The following SIPA1L3 variants were observed in gnomAD, a reference collection of about 807,000 sequenced individuals.
The protein encoded by SIPA1L3 is signal-induced proliferation-associated 1-like protein 3.
In SIPA1L3, 59 loss-of-function variants were observed where a neutral mutation model predicts 150.1. The ratio of observed to expected loss-of-function variants is 0.39; its 90% CI spans 0.32 to 0.49. SIPA1L3 has a LOEUF of 0.49. SIPA1L3 is among the 20% of genes least tolerant of loss of function. The pLI, the probability that SIPA1L3 is intolerant of heterozygous loss-of-function variation, is 0.86. For synonymous variants in SIPA1L3, 1,070 were observed against 1,077.6 expected (o/e 0.99, Z 0.14); for missense variants, 2,211 against 2,489.5 (o/e 0.89, Z 2.38).
At chr19:38,192,002 CT>C (rs1259105070) in intron 16 of SIPA1L3, 142 bp from the exon 17 acceptor site, 1 of 700,858 alleles carries the variant, frequency 1.4e-6, no homozygotes, top group East Asian at 2.9e-5. Flanking sequence ...AGCCAAGCCC[CT>C]CTCTGCCACG....
At chr19:38,110,479 C>G in intron 8 of SIPA1L3, 95 bp downstream of exon 8, 1 of 1,013,166 alleles carries the variant, frequency 9.9e-7, no homozygotes, top group South Asian at 1.6e-5. Flanking sequence ...CCACACCTCA[C>G]GTTGTGCTTC....
rs377740057 is a variant in SIPA1L3, at chr19:38,082,153, G to A, written c.588G>A (p.Leu196=). The stretch of plus-strand genomic sequence containing the variant: ...GGGGGGCCCGGCACACGGGGGCGCT[G>A]CCCCTCTTCCGCGAGTACGGGAGCA... The part of the protein sequence containing the change: ...EPRGARHTGA[L]PLFREYGSTS... The change falls in exon 3 of 22, where the codon CTG becomes CTA. Residue 196 remains leucine (L), a synonymous_variant. Transcript: ENST00000222345. 3.1e-6 allele frequency: 5 copies of A among 1,605,870 alleles called. No individual in the cohort carries two copies. The highest frequency in any genetic ancestry group is 4.2e-6 in the Non-Finnish European group (5 of 1,179,598).
At chr19:38,175,514 A>G (rs1297862083) in intron 15 of SIPA1L3, among the ~76,000 whole-genome samples, 1 of 152,160 alleles carries the variant, frequency 6.6e-6, no homozygotes, top group Non-Finnish European at 1.5e-5. Context: ...TAAGATGTCA[A>G]GCAGGTTAAT....
Position 38,174,562 on chromosome 19 carries a change from G to A in SIPA1L3, c.4209-7957G>A, listed in dbSNP as rs1325750558. Among the ~76,000 whole-genome samples, 5 of 152,076 alleles carry A rather than the reference G, an allele frequency of 3.3e-5. No individual in the cohort carries two copies. In the South Asian group the frequency reaches 8.3e-4, roughly 25 times the overall value. On this transcript the variant is annotated intron_variant, in intron 15 of 21. Coordinates refer to ENST00000222345, the MANE Select transcript of SIPA1L3 (RefSeq NM_015073.3). ...CTCATCTGTAAAATGGGGGTAATAG[G>A]ATCTGTCAACCAGACACGGTGGCTC...
At chr19:37,995,223 A>G (rs531772653) in intron 1 of SIPA1L3, among the ~76,000 whole-genome samples, 6 of 152,236 alleles carry the variant, frequency 3.9e-5, no homozygotes, top group African/African-American at 1.4e-4. Context: ...GGGGCAGCAC[A>G]TGTCTGTACC....
At chr19:38,153,064 G>C in intron 13 of SIPA1L3, 97 bp downstream of exon 13, 1 of 1,442,780 alleles carries the variant, frequency 6.9e-7, no homozygotes, top group Non-Finnish European at 9.2e-7. Flanking sequence ...TCTTGTGAGT[G>C]ACGGATAAAA....
intron 1 of SIPA1L3, among the ~76,000 whole-genome samples, chr19:38,028,245 TTC>T (rs1414002691): frequency 2.6e-5 from 4 of 152,214 alleles, no homozygotes; most frequent in African/African-American, 9.6e-5. Context: ...CAAGTATGAT[TTC>T]TCTGTCATTC....
At chr19:38,092,911 G>C (rs1163183161) in intron 4 of SIPA1L3, among the ~76,000 whole-genome samples, 1 of 150,048 alleles carries the variant, frequency 6.7e-6, no homozygotes, top group African/African-American at 2.5e-5. Flanking sequence ...CCAGGCTGGA[G>C]GGCAGTGGCG....
At chr19:38,049,348 A>G (rs734204) in intron 2 of SIPA1L3, among the ~76,000 whole-genome samples, 61,463 of 152,010 alleles carry the variant, frequency 0.4, 14,048 homozygotes, top group African/African-American at 0.63. Flanking sequence ...GGAGCTCTGT[A>G]TCTCATTCTT....
chr19:38,100,443 C>G (rs112403662), intron 5 of SIPA1L3, among the ~76,000 whole-genome samples: 1 of 152,092 alleles, frequency 6.6e-6, no homozygotes. Context: ...CTTTCCTCCC[C>G]GCTCCACATG....
chr19:38,143,424 C>T (rs1415941664), intron 12 of SIPA1L3, among the ~76,000 whole-genome samples: 1 of 152,044 alleles, frequency 6.6e-6, no homozygotes, highest in Non-Finnish European at 1.5e-5. Context: ...GTCACCCACC[C>T]TCTCCTCCTT....
At position 38,162,358 on chromosome 19, in the gene SIPA1L3, A is replaced by G; in HGVS notation, c.3767A>G (p.Asn1256Ser). Reference sequence around the variant, plus strand: ...GATGCAGCAGGCAAAGATTCCCCCAACAGGCATTCCAAAGTGAGTCTGGGC... The same window carrying G: ...GATGCAGCAGGCAAAGATTCCCCCAGCAGGCATTCCAAAGTGAGTCTGGGC... ...RQDAAGKDSPNRHSKGEPQYS... is the reference protein window; with the variant it reads ...RQDAAGKDSPSRHSKGEPQYS... Residue 1256 changes from asparagine (N) to serine (S), a missense_variant, in exon 14 of 22, where the codon AAC (asparagine) becomes AGC (serine). Physicochemically the swap from Asn to Ser is conservative, Grantham distance 46 (BLOSUM62 1). Around this residue, in one of 5 missense-constraint regions of SIPA1L3, gnomAD observed 806 missense variants for 870.1 expected, o/e 0.93. Transcript: ENST00000222345. 6.2e-7 allele frequency: 1 copy of G among 1,613,834 alleles called. No homozygotes were observed. Among genetic ancestry groups the G allele is most frequent in the Non-Finnish European group, 8.5e-7 (1 of 1,179,714 alleles).
At chr19:37,935,100 A>G (rs2046589053) in intron 1 of SIPA1L3, among the ~76,000 whole-genome samples, 1 of 152,216 alleles carries the variant, frequency 6.6e-6, no homozygotes, top group South Asian at 2.1e-4. Flanking sequence ...CAGTAGTGCA[A>G]TGATGCCTCT....
rs1385603251 is a variant in SIPA1L3, at chr19:38,164,682, T to G, written c.3984T>G (p.Ala1328=). Residue 1328 remains alanine, a synonymous_variant, in exon 15 of 22, where the codon GCT becomes GCG. Transcript: ENST00000222345. This position sits in a 1 kb window ranked among gnomAD's most constrained non-coding sequence, Gnocchi z 4.1. The part of the protein sequence containing the change: ...SSPSCMSLAK[A]PRPAKPHKPP... ...CTAGCTGCATGTCCCTGGCCAAGGC[T>G]CCACGGCCCGCCAAGCCACACAAGC... 1.2e-6 allele frequency: 2 copies of G among 1,613,764 alleles called. No homozygotes were observed. Among genetic ancestry groups the G allele is most frequent in the Non-Finnish European group, 1.7e-6 (2 of 1,179,944 alleles).
rs746533364 is a variant in SIPA1L3 at position 38,081,778 on chromosome 19, T to C, written c.213T>C (p.Thr71=). Residue 71 remains threonine, a synonymous_variant, in exon 3 of 22, where the codon ACT becomes ACC. Coordinates refer to ENST00000222345, the MANE Select transcript of SIPA1L3 (RefSeq NM_015073.3). ...ATATTRPSPT[T]PAMPKMGVRA... ...CCACCACCCGCCCCAGCCCCACCACTCCCGCAATGCCCAAGATGGGCGTGC... is the reference window on the plus strand; with the variant it reads ...CCACCACCCGCCCCAGCCCCACCACCCCCGCAATGCCCAAGATGGGCGTGC... The C allele has an allele frequency of 2.8e-5, 38 of 1,377,354 alleles. No individual in the cohort carries two copies. The South Asian group carries it at 4.2e-4, about 15-fold the overall frequency. The allele number at this position is 1,377,354 out of a possible 1,614,324, so 85.3% of individuals were successfully genotyped here. A position where few individuals can be genotyped will look rare whatever the true frequency, so the allele number is the denominator to read the frequency against.
intron 15 of SIPA1L3, among the ~76,000 whole-genome samples, chr19:38,166,140 G>C (rs1206953996): frequency 6.6e-6 from 1 of 152,140 alleles, no homozygotes; most frequent in East Asian, 1.9e-4. Flanking sequence ...CTGGTAGAGA[G>C]GCAGACGGGA....
intron 4 of SIPA1L3, among the ~76,000 whole-genome samples, chr19:38,098,780 C>T (rs911555295): frequency 2.0e-5 from 3 of 152,160 alleles, no homozygotes; most frequent in African/African-American, 7.2e-5. Context: ...TGGGAAGCAA[C>T]ATCTGGGGAA....
intron 1 of SIPA1L3, among the ~76,000 whole-genome samples, chr19:37,980,513 A>G (rs1967176771): frequency 6.6e-6 from 1 of 152,156 alleles, no homozygotes; most frequent in Non-Finnish European, 1.5e-5. Context: ...AGCATGAGGA[A>G]GAGCATTCTA....
intron 8 of SIPA1L3, among the ~76,000 whole-genome samples, chr19:38,118,684 C>T (rs1970944903): frequency 6.6e-6 from 1 of 151,852 alleles, no homozygotes; most frequent in South Asian, 2.1e-4. Flanking sequence ...CAGGCACCCA[C>T]CACCACGCCC....
Sources: allele counts gnomAD v4.1 joint callset (sites outside exome capture counted in the v4.1 genomes callset), GRCh38; gene constraint gnomAD v4.1.1; regional missense constraint gnomAD v4.1.1; non-coding constraint Gnocchi (gnomAD v3.1); transcripts MANE v1.5; gene names NCBI Gene and HGNC (gene_info 2026-07-23, HGNC 2026-07-21).